Variants in AFG1L observed in about 807,000 individuals in gnomAD.
AFG1L encodes AFG1 like ATPase, also known as AFG1-like ATPase.
In AFG1L, 53 loss-of-function variants were observed where a neutral mutation model predicts 62.2. The observed-to-expected ratio is 0.85, with a 90% CI of 0.68 to 1.07. The LOEUF is 1.07. AFG1L is among the 50% of genes least tolerant of loss of function. The pLI is 0.00. For synonymous variants in AFG1L, 228 were observed against 210.3 expected, an observed-to-expected ratio of 1.08 and a Z score of -0.73; for missense variants, 555 against 590.5, an observed-to-expected ratio of 0.94 and a Z score of 0.62.
At chr6:108,308,192 A>C (rs1187648692) in intron 1 of AFG1L, among the ~76,000 whole-genome samples, 1 of 152,064 alleles carries the variant, frequency 6.6e-6, no homozygotes, top group Non-Finnish European at 1.5e-5. Context: ...CTGTGTCATC[A>C]AGGCTGGAGT....
At chr6:108,356,599 C>A in intron 4 of AFG1L, 91 bp from the exon 5 acceptor site, 1 of 857,120 alleles carries the variant, frequency 1.2e-6, no homozygotes, top group Non-Finnish European at 1.7e-6. Context: ...TATGTCCATA[C>A]TAAAGTTTCA....
At chr6:108,482,899 T>A (rs1284326235) in intron 10 of AFG1L, among the ~76,000 whole-genome samples, 1 of 152,224 alleles carries the variant, frequency 6.6e-6, no homozygotes, top group East Asian at 1.9e-4. Flanking sequence ...GTCAGGTTTT[T>A]TTTTGCCCTA....
At chr6:108,477,385 C>G (rs908484749) in intron 10 of AFG1L, 93 bp downstream of exon 10, 13 of 650,872 alleles carry the variant, frequency 2.0e-5, no homozygotes, top group Non-Finnish European at 3.3e-5. Flanking sequence ...TTTAAAATAC[C>G]ATTCACAGAG....
At chr6:108,335,377 T>C (rs563961099) in intron 2 of AFG1L, among the ~76,000 whole-genome samples, 1 of 152,338 alleles carries the variant, frequency 6.6e-6, no homozygotes, top group South Asian at 2.1e-4. Context: ...GAAATGTGAA[T>C]GAGTAACAAA....
intron 6 of AFG1L, among the ~76,000 whole-genome samples, chr6:108,368,897 GA>G (rs1254999611): frequency 1.3e-5 from 2 of 152,182 alleles, no homozygotes; most frequent in Non-Finnish European, 2.9e-5. Context: ...GTAGCCTGCA[GA>G]AATCTGAGCT....
intron 3 of AFG1L, among the ~76,000 whole-genome samples, chr6:108,354,192 C>T (rs1779181229): frequency 6.6e-6 from 1 of 152,130 alleles, no homozygotes; most frequent in Admixed American, 6.6e-5. Flanking sequence ...TTTTATGCTA[C>T]CTGCATTAAA....
At chr6:108,305,420 C>T (rs1040848476) in intron 1 of AFG1L, among the ~76,000 whole-genome samples, 19 of 152,188 alleles carry the variant, frequency 1.2e-4, no homozygotes, top group African/African-American at 4.6e-4. Flanking sequence ...GAGTCTTGCT[C>T]TATTACTCAG....
chr6:108,483,300 G>T (rs1773400213), intron 10 of AFG1L, among the ~76,000 whole-genome samples: 2 of 152,090 alleles, frequency 1.3e-5, no homozygotes, highest in Middle Eastern at 3.2e-3. Flanking sequence ...TGCTTTAAAT[G>T]AATTAATATT....
At chr6:108,428,316 T>C (rs548036147) in intron 7 of AFG1L, among the ~76,000 whole-genome samples, 1 of 152,324 alleles carries the variant, frequency 6.6e-6, no homozygotes, top group East Asian at 1.9e-4. Context: ...TTCCATGGTG[T>C]ATATATATAC....
chr6:108,498,573 G>A (rs932036146), intron 10 of AFG1L, among the ~76,000 whole-genome samples: 2 of 152,122 alleles, frequency 1.3e-5, no homozygotes, highest in African/African-American at 4.8e-5. Context: ...GATACACAGG[G>A]TTATGTAAGA....
chr6:108,381,241 C>T (rs1032743318), intron 6 of AFG1L, among the ~76,000 whole-genome samples: 10 of 151,972 alleles, frequency 6.6e-5, no homozygotes, highest in African/African-American at 7.3e-5. Flanking sequence ...AGAGAGAGTT[C>T]GTATTTAATT....
intron 6 of AFG1L, among the ~76,000 whole-genome samples, chr6:108,368,361 T>G (rs1779848257): frequency 6.6e-6 from 1 of 152,178 alleles, no homozygotes; most frequent in African/African-American, 2.4e-5. Flanking sequence ...TTAAGTTACT[T>G]GTTGCATACC....
In AFG1L at chr6:108,399,193, T is replaced by G. The variant is rs1361071183; in HGVS notation, c.749-2803T>G. On this transcript the variant is annotated intron_variant, in intron 6 of 12. Coordinates refer to ENST00000368977, the MANE Select transcript of AFG1L (RefSeq NM_145315.5). Reference sequence around the variant, plus strand: ...TCTTTTGTTTGTTTTTTTTTTTTTTTTTTTTTTTTTTTTGAGACGGAGTCT... The same window carrying G: ...TCTTTTGTTTGTTTTTTTTTTTTTTGTTTTTTTTTTTTTGAGACGGAGTCT... Among the ~76,000 whole-genome samples, 685 of 128,434 alleles carry G rather than the reference T, an allele frequency of 5.3e-3. 17 individuals are homozygous for G. Among genetic ancestry groups the G allele is most frequent in the Admixed American group, 0.035 (417 of 11,986 alleles). The allele number at this position is 128,434 out of a possible 152,430, so 84.3% of individuals were successfully genotyped here.
In AFG1L at chr6:108,390,344, G is replaced by A. The variant is rs1455990540; in HGVS notation, c.749-11652G>A. 3.9e-5 allele frequency among the ~76,000 whole-genome samples: 6 copies of A among 152,034 alleles called. No homozygotes were observed. In the East Asian group the frequency reaches 5.8e-4, roughly 15 times the overall value. Reference sequence around the variant, plus strand: ...TCCTTTAGCTTGGAGAAGTTTGATCGTCTGAATCCTTCTTCTCTCAACTTG... The same window carrying A: ...TCCTTTAGCTTGGAGAAGTTTGATCATCTGAATCCTTCTTCTCTCAACTTG... On this transcript the variant is annotated intron_variant, in intron 6 of 12. Coordinates refer to ENST00000368977, the MANE Select transcript of AFG1L (RefSeq NM_145315.5).
At chr6:108,398,416 T>G (rs748546871) in intron 6 of AFG1L, among the ~76,000 whole-genome samples, 19 of 152,322 alleles carry the variant, frequency 1.2e-4, no homozygotes, top group Admixed American at 1.0e-3. Context: ...GTCTCTTCAC[T>G]TTGCCAGCTG....
intron 10 of AFG1L, among the ~76,000 whole-genome samples, chr6:108,505,893 A>T (rs114589340): frequency 2.0e-5 from 3 of 152,300 alleles, no homozygotes; most frequent in African/African-American, 7.2e-5. Context: ...GAGAAAGGGA[A>T]TGGAGCAGAG....
intron 2 of AFG1L, among the ~76,000 whole-genome samples, chr6:108,344,045 C>T (rs1159573661): frequency 1.3e-5 from 2 of 152,146 alleles, no homozygotes; most frequent in African/African-American, 4.8e-5. Context: ...CTTTGGGAGG[C>T]CTAGGCAGCA....
chr6:108,397,654 C>T (rs1209924534), intron 6 of AFG1L, among the ~76,000 whole-genome samples: 1 of 152,064 alleles, frequency 6.6e-6, no homozygotes, highest in African/African-American at 2.4e-5. Context: ...TCCTTCTATT[C>T]TCTGTGAGTT....
chr6:108,410,245 T>C (rs962881710), intron 7 of AFG1L, among the ~76,000 whole-genome samples: 1 of 151,918 alleles, frequency 6.6e-6, no homozygotes, highest in Non-Finnish European at 1.5e-5. Flanking sequence ...GGGCAGAGGT[T>C]GCAGTGAGCC....
Sources: allele counts gnomAD v4.1 joint callset (sites outside exome capture counted in the v4.1 genomes callset), GRCh38; gene constraint gnomAD v4.1.1; transcripts MANE v1.5; gene names NCBI Gene and HGNC (gene_info 2026-07-23, HGNC 2026-07-21).